RTN4: variants seen among roughly 807,000 people sequenced by gnomAD.
RTN4 encodes the protein reticulon 4, also known as reticulon-4.
RTN4 carries 32 observed loss-of-function variants against 90.4 expected under a neutral mutation model. The observed-to-expected ratio is 0.35, with a 90% CI of 0.27 to 0.48. RTN4 has a LOEUF of 0.48. RTN4 is among the 20% of genes least tolerant of loss of function. The probability of loss-of-function intolerance (pLI) is 0.99; values close to 1 mark genes in which losing one functional copy is unlikely to be tolerated. For synonymous variants in RTN4, 629 were observed against 552.5 expected (o/e 1.14, Z -1.94); for missense variants, 1,706 against 1,430.2 (o/e 1.19, Z -3.11).
intron 2 of RTN4, among the ~76,000 whole-genome samples, chr2:55,068,462 C>G (rs1354668949): frequency 6.6e-6 from 1 of 152,100 alleles, no homozygotes; most frequent in Non-Finnish European, 1.5e-5. Context: ...AACTGTCATA[C>G]TCACAGTGGT....
chr2:55,134,742 C>T, the RTN4 span, among the ~76,000 whole-genome samples: 1 of 152,048 alleles, frequency 6.6e-6, no homozygotes, highest in Non-Finnish European at 1.5e-5. Flanking sequence ...CCCCTGAGTG[C>T]CCAAGCTTTT....
chr2:55,037,393 T>TTTC (rs1192983204), intron 1 of RTN4, among the ~76,000 whole-genome samples: 2 of 152,230 alleles, frequency 1.3e-5, no homozygotes, highest in East Asian at 3.8e-4. Flanking sequence ...ACAGGGACAG[T>TTTC]TTCTTCTTCT....
At chr2:55,010,388 T>C (rs1680547148) in intron 3 of RTN4, 16 of 1,262,724 alleles carry the variant, frequency 1.3e-5, no homozygotes, top group Non-Finnish European at 1.5e-5. Flanking sequence ...TTTTAGGCAT[T>C]TGCCTTGTTG....
intron 1 of RTN4, among the ~76,000 whole-genome samples, chr2:55,035,419 T>C (rs1274394972): frequency 6.6e-6 from 1 of 151,680 alleles, no homozygotes; most frequent in Non-Finnish European, 1.5e-5. Context: ...AGGGGGAAAA[T>C]TAAAGAAATT....
the RTN4 span, among the ~76,000 whole-genome samples, chr2:55,132,472 C>T: frequency 1.3e-5 from 2 of 150,364 alleles, no homozygotes; most frequent in East Asian, 3.9e-4. Flanking sequence ...CACTGCACTC[C>T]AGCCTGGGCA....
At chr2:55,116,833 C>T (rs1484361893), upstream of RTN4, among the ~76,000 whole-genome samples, 1 of 151,646 alleles carries the variant, frequency 6.6e-6, no homozygotes, top group Admixed American at 6.6e-5. Context: ...CTTCCCAGAA[C>T]TCTCCTTTAT....
At chr2:55,082,476 C>T (rs921275924) in intron 1 of RTN4, among the ~76,000 whole-genome samples, 4 of 152,150 alleles carry the variant, frequency 2.6e-5, no homozygotes, top group Admixed American at 6.5e-5. Flanking sequence ...CCAGCCTTGG[C>T]GACTGGCCCA....
chr2:55,023,845 A>G (rs1239376768), intron 3 of RTN4, among the ~76,000 whole-genome samples: 2 of 151,930 alleles, frequency 1.3e-5, no homozygotes, highest in African/African-American at 2.4e-5. Context: ...TTTTTGACCA[A>G]CTTGCAATCC....
the RTN4 span, among the ~76,000 whole-genome samples, chr2:55,124,366 T>C: frequency 6.6e-6 from 1 of 152,240 alleles, no homozygotes; most frequent in Non-Finnish European, 1.5e-5. Context: ...AAGTCTCTGA[T>C]AGATAAAAGC....
chr2:55,049,185 G>C (rs201459878), intron 1 of RTN4: 29 of 986,338 alleles, frequency 2.9e-5, no homozygotes, highest in Middle Eastern at 1.0e-3. Context: ...AGCTCCCCAC[G>C]AGCACAGGAG....
intron 1 of RTN4, among the ~76,000 whole-genome samples, chr2:55,045,934 C>T (rs1683392315): frequency 6.6e-6 from 1 of 152,234 alleles, no homozygotes; most frequent in Admixed American, 6.5e-5. Context: ...ACTTAACCAA[C>T]CACTAAGCCA....
intron 3 of RTN4, among the ~76,000 whole-genome samples, chr2:55,019,710 G>A (rs1681292130): frequency 1.3e-5 from 2 of 152,086 alleles, no homozygotes; most frequent in Admixed American, 1.3e-4. Context: ...ACTGAAATGG[G>A]AAGTCCTACC....
rs1304735116 is a variant in RTN4 at position 54,972,983 on chromosome 2, A to G, written c.*173T>C. The G allele has an allele frequency of 3.7e-6, 2 of 534,518 alleles. No individual in the cohort carries two copies. The highest frequency in any genetic ancestry group is 3.8e-5 in the African/African-American group (2 of 53,130). 33.1% of individuals were successfully genotyped at this position (534,518 alleles called of 1,614,324 possible). On this transcript the variant is annotated 3_prime_UTR_variant, in exon 9 of 9. Coordinates refer to ENST00000337526, the MANE Select transcript of RTN4 (RefSeq NM_020532.5). ...ATACTTAAGATGATGAACACATGGCAGTCAAGACAGGTAATTTTTCCTCAC... is the reference window on the plus strand; with the variant it reads ...ATACTTAAGATGATGAACACATGGCGGTCAAGACAGGTAATTTTTCCTCAC...
chr2:54,993,301 C>T (rs1214689996), intron 3 of RTN4, among the ~76,000 whole-genome samples: 1 of 152,112 alleles, frequency 6.6e-6, no homozygotes, highest in Admixed American at 6.5e-5. Flanking sequence ...TTCGGTACTA[C>T]TGAAGAGTCT....
At position 54,996,275 on chromosome 2, in the gene RTN4, G is replaced by C. The variant is rs2104721477; in HGVS notation, c.3014-8577C>G. Among the ~76,000 whole-genome samples, 5 of 152,248 alleles carry C rather than the reference G, an allele frequency of 3.3e-5. No homozygotes were observed. The Middle Eastern group carries it at 0.017, about 518-fold the overall frequency. On this transcript the variant is annotated intron_variant, in intron 3 of 8. Transcript: ENST00000337526. ...TTAAGACAGTAACACTCCTCAAATT[G>C]ATCTAAAATACAAACACTATCAAAA...
intron 6 of RTN4, 122 bp from the exon 7 acceptor site, chr2:54,973,989 A>AAAC: frequency 1.3e-6 from 1 of 794,940 alleles, no homozygotes; most frequent in Non-Finnish European, 2.0e-6. Flanking sequence ...GAATGAATAA[A>AAAC]AACATAAGGA....
At chr2:54,987,173 T>C (rs1207878641) in intron 4 of RTN4, among the ~76,000 whole-genome samples, 1 of 151,824 alleles carries the variant, frequency 6.6e-6, no homozygotes, top group Non-Finnish European at 1.5e-5. Flanking sequence ...ATAAAGAATA[T>C]CCTCATCAAA....
In RTN4 at chr2:54,973,180, A is replaced by G. The variant is rs200464998; in HGVS notation, c.3555T>C (p.Pro1185=). The G allele has an allele frequency of 4.4e-6, 7 of 1,605,114 alleles. No individual in the cohort carries two copies. The highest frequency in any genetic ancestry group is 6.0e-6 in the Non-Finnish European group (7 of 1,172,784). Residue 1185 remains proline (P), a synonymous_variant, in exon 9 of 9, where the codon CCT becomes CCC. Coordinates refer to ENST00000337526, the MANE Select transcript of RTN4 (RefSeq NM_020532.5). ...TTCATTCAGCTTTGCGCTTCAATCC[A>G]GGGATTTTTGCTTGGATTCTGAAAA... is the stretch of plus-strand genomic sequence containing the variant. ...DAMAKIQAKI[P]GLKRKAE is the part of the protein sequence containing the mutation.
chr2:54,974,154 C>T, intron 6 of RTN4: 1 of 341,548 alleles, frequency 2.9e-6, no homozygotes, highest in Non-Finnish European at 5.4e-6. Flanking sequence ...TTTATGACTG[C>T]ACCATCATAT....
Sources: gnomAD v4.1 joint callset for allele counts (sites outside exome capture counted in the v4.1 genomes callset) on GRCh38, gnomAD v4.1.1 for gene constraint, MANE v1.5 for transcripts, NCBI Gene and HGNC (gene_info 2026-07-23, HGNC 2026-07-21) for gene names.